Variants in KEAP1 observed in about 807,000 individuals in gnomAD.
KEAP1 encodes the protein kelch-like ECH-associated protein 1.
KEAP1 carries 26 observed loss-of-function variants against 59.7 expected under a neutral mutation model. The ratio of observed to expected loss-of-function variants is 0.44; its 90% CI spans 0.32 to 0.60. The LOEUF is 0.60. Among genes scored for constraint, KEAP1 ranks in the 20% least tolerant of loss-of-function variants. KEAP1 has a pLI of 0.06. For missense variants in KEAP1, 539 were observed against 871.4 expected (o/e 0.62, Z 4.80); for synonymous variants, 350 against 358.3 (o/e 0.98, Z 0.26).
intron 2 of KEAP1, chr19:10,492,856 CTG>C (rs1568399096): frequency 6.6e-6 from 1 of 151,800 alleles, no homozygotes; most frequent in African/African-American, 2.4e-5. Flanking sequence ...GAGTCTCACT[CTG>C]TCACCCAGGC....
Position 10,491,615 on chromosome 19 carries a change from G to A in KEAP1, c.1287C>T (p.Gly429=), listed in dbSNP as rs1914671210. ...GVIDGHIYAV[G]GSHGCIHHNS... ...TGTGGTGGATGCAGCCGTGGGAGCCGCCGACGGCATAGATGTGGCCATCGA... is the reference window on the plus strand; with the variant it reads ...TGTGGTGGATGCAGCCGTGGGAGCCACCGACGGCATAGATGTGGCCATCGA... The change falls in exon 3 of 6, where the codon GGC becomes GGT. Residue 429 remains glycine (G), a synonymous_variant. Coordinates refer to ENST00000171111, the MANE Select transcript of KEAP1 (RefSeq NM_203500.2). This position sits in a 1 kb window ranked among gnomAD's most constrained non-coding sequence, Gnocchi z 5.2. 1.3e-6 allele frequency: 2 copies of A among 1,585,002 alleles called. No homozygotes were observed. The highest frequency in any genetic ancestry group is 4.5e-5 in the East Asian group (2 of 44,694).
Position 10,499,563 on chromosome 19 carries a change from G to A in KEAP1, c.471C>T (p.Asn157=), listed in dbSNP as rs200294114. Residue 157 remains asparagine (N), a synonymous_variant, in exon 2 of 6, where the codon AAC becomes AAT. Coordinates refer to ENST00000171111, the MANE Select transcript of KEAP1 (RefSeq NM_203500.2). The surrounding 1 kb of genome is among the most constrained non-coding windows in gnomAD (Gnocchi z 6.7). ...MGEKCVLHVM[N]GAVMYQIDSV... ...TGTCGATCTGGTACATGACAGCACC[G>A]TTCATGACGTGGAGGACACACTTCT... The A allele has an allele frequency of 1.8e-4, 297 of 1,614,162 alleles. 6 individuals are homozygous for A. The highest frequency in any genetic ancestry group is 8.8e-4 in the South Asian group (80 of 91,092).
chr19:10,489,025 G>C (rs1405467428), intron 5 of KEAP1, among the ~76,000 whole-genome samples, 167 bp downstream of exon 5: 1 of 144,628 alleles, frequency 6.9e-6, no homozygotes, highest in Non-Finnish European at 1.5e-5. Flanking sequence ...AGCCCAGGCT[G>C]TTGAGGCTCC....
chr19:10,494,567 C>T (rs1914786976), intron 2 of KEAP1, among the ~76,000 whole-genome samples: 1 of 150,638 alleles, frequency 6.6e-6, no homozygotes, highest in Non-Finnish European at 1.5e-5. Context: ...GAACTCCTGA[C>T]CTCAGGTGAT....
At chr19:10,490,155 G>C (rs1467271501) in intron 3 of KEAP1, among the ~76,000 whole-genome samples, 1 of 151,722 alleles carries the variant, frequency 6.6e-6, no homozygotes, top group East Asian at 2.0e-4. Context: ...GGGAGGCTGA[G>C]GCGAGATAAT....
chr19:10,497,324 T>C lies in KEAP1; in HGVS notation c.639+2071A>G, dbSNP rs532392068. On this transcript the variant is annotated intron_variant, in intron 2 of 5. Transcript: ENST00000171111. ...TCAACCCCACATGTAACATAGAGGG[T>C]AGGAAAGAATCTATCCCTGAAGGAG... is the stretch of plus-strand genomic sequence containing the variant. Among the ~76,000 whole-genome samples, 3 of 151,846 alleles carry C rather than the reference T, an allele frequency of 2.0e-5. No individual in the cohort carries two copies. In the South Asian group the frequency reaches 6.3e-4, roughly 32 times the overall value.
At chr19:10,488,659 G>A (rs771832291) in intron 5 of KEAP1, among the ~76,000 whole-genome samples, 8 of 151,650 alleles carry the variant, frequency 5.3e-5, no homozygotes, top group Non-Finnish European at 7.4e-5. Context: ...CAGGCCGGGC[G>A]CGGTGGCTCA....
At chr19:10,488,806 C>G (rs1017251868) in intron 5 of KEAP1, among the ~76,000 whole-genome samples, 25 of 151,554 alleles carry the variant, frequency 1.6e-4, no homozygotes, top group African/African-American at 6.1e-4. Context: ...TGGCATGTGC[C>G]TGTAGTCGCA....
chr19:10,488,071 T>G (rs1426610839), intron 5 of KEAP1, among the ~76,000 whole-genome samples: 1 of 152,074 alleles, frequency 6.6e-6, no homozygotes, highest in African/African-American at 2.4e-5. Context: ...GAGGTTGCAG[T>G]GAGCCGAGAT....
intron 5 of KEAP1, among the ~76,000 whole-genome samples, chr19:10,487,147 C>A (rs868019718): frequency 6.6e-6 from 1 of 151,018 alleles, no homozygotes; most frequent in African/African-American, 2.4e-5. Context: ...AGTTTGAGAC[C>A]AGCCTGGGCA....
chr19:10,492,519 A>G (rs1266258848), intron 2 of KEAP1: 2 of 475,292 alleles, frequency 4.2e-6, no homozygotes, highest in Non-Finnish European at 7.7e-6. Context: ...GAGTTGAGAG[A>G]CAAGCCTGGC....
chr19:10,493,482 A>C (rs1041183219), intron 2 of KEAP1, among the ~76,000 whole-genome samples: 2 of 147,320 alleles, frequency 1.4e-5, no homozygotes, highest in African/African-American at 2.5e-5. Flanking sequence ...ATTTATTTTT[A>C]GTAGAGACGG....
chr19:10,486,934 C>T (rs1914482099), intron 5 of KEAP1, 116 bp from the exon 6 acceptor site: 10 of 1,080,346 alleles, frequency 9.3e-6, no homozygotes, highest in East Asian at 7.8e-5. Flanking sequence ...TGGTGGCTCA[C>T]GCCTATAATC....
Position 10,491,508 on chromosome 19 carries a change from G to A in KEAP1, c.1325+69C>T, listed in dbSNP as rs1367442315. The A allele has an allele frequency of 3.0e-6, 4 of 1,318,042 alleles. No individual in the cohort carries two copies. Among genetic ancestry groups the A allele is most frequent in the South Asian group, 1.7e-5 (1 of 59,780 alleles). The allele number at this position is 1,318,042 out of a possible 1,614,324, so 81.6% of individuals were successfully genotyped here. On this transcript the variant is annotated intron_variant, in intron 3 of 5. Coordinates refer to ENST00000171111, the MANE Select transcript of KEAP1 (RefSeq NM_203500.2). The surrounding 1 kb of genome is among the most constrained non-coding windows in gnomAD (Gnocchi z 5.2). The stretch of plus-strand genomic sequence containing the variant: ...GGAAACAGCCTCAGGAAGAATACCC[G>A]GATCTCAGTGTCTTGGGACTTGCCA...
intron 2 of KEAP1, among the ~76,000 whole-genome samples, chr19:10,495,890 A>T (rs1914831352): frequency 6.6e-6 from 1 of 152,130 alleles, no homozygotes; most frequent in Non-Finnish European, 1.5e-5. Context: ...AGCCCTGGAT[A>T]AATATTTCTT....
At chr19:10,490,059 C>G (rs1293021484) in intron 3 of KEAP1, among the ~76,000 whole-genome samples, 1 of 151,984 alleles carries the variant, frequency 6.6e-6, no homozygotes, top group African/African-American at 2.4e-5. Context: ...TGAGACCAGC[C>G]TGGCCAACAT....
chr19:10,496,253 TG>T (rs1352644688), intron 2 of KEAP1, among the ~76,000 whole-genome samples: 1 of 150,972 alleles, frequency 6.6e-6, no homozygotes, highest in African/African-American at 2.4e-5. Flanking sequence ...CCCAGCACTT[TG>T]GGATGCCAAG....
At chr19:10,498,839 AT>A (rs35169125) in intron 2 of KEAP1, among the ~76,000 whole-genome samples, 16,349 of 145,304 alleles carry the variant, frequency 0.11, 1,039 homozygotes, top group African/African-American at 0.18. Context: ...TTGTTTTTTA[AT>A]TTTTTTTTTT....
intron 2 of KEAP1, among the ~76,000 whole-genome samples, chr19:10,497,013 A>G (rs1007209928): frequency 1.1e-4 from 16 of 151,692 alleles, no homozygotes; most frequent in Non-Finnish European, 2.9e-5. Context: ...AATCCCAGCT[A>G]CTTGGGAGGC....
Sources: gnomAD v4.1 joint callset for allele counts (sites outside exome capture counted in the v4.1 genomes callset) on GRCh38, gnomAD v4.1.1 for gene constraint, Gnocchi (gnomAD v3.1) non-coding constraint, MANE v1.5 for transcripts, NCBI Gene and HGNC (gene_info 2026-07-23, HGNC 2026-07-21) for gene names.